Variants in SGIP1 observed in about 807,000 individuals in gnomAD.
SGIP1 encodes the protein SH3-containing GRB2-like protein 3-interacting protein 1.
A neutral mutation model predicts 107.5 loss-of-function variants in SGIP1; 38 were observed. The ratio of observed to expected loss-of-function variants is 0.35; its 90% CI spans 0.27 to 0.46. The LOEUF is 0.46. Ranked by LOEUF, SGIP1 falls within the 20% of genes least tolerant of loss-of-function variation. The pLI, the probability that SGIP1 is intolerant of heterozygous loss-of-function variation, is 1.00. For missense variants in SGIP1, 929 were observed against 1,019.5 expected, an observed-to-expected ratio of 0.91 and a Z score of 1.21; for synonymous variants, 365 against 366.1, an observed-to-expected ratio of 1.00 and a Z score of 0.03.
chr1:66,610,934 A>C (rs1323048321), intron 1 of SGIP1, among the ~76,000 whole-genome samples: 6 of 152,158 alleles, frequency 3.9e-5, no homozygotes, highest in African/African-American at 7.2e-5. Context: ...GCTAAGCTAC[A>C]AGGATGCAAA....
intron 7 of SGIP1, among the ~76,000 whole-genome samples, chr1:66,656,174 C>A (rs1188428588): frequency 6.6e-6 from 1 of 152,060 alleles, no homozygotes; most frequent in Non-Finnish European, 1.5e-5. Context: ...TAACCTAGAC[C>A]TACACAGGGT....
At chr1:66,650,668 C>T (rs1185592584) in intron 7 of SGIP1, among the ~76,000 whole-genome samples, 5 of 152,172 alleles carry the variant, frequency 3.3e-5, no homozygotes, top group South Asian at 4.1e-4. Context: ...GACACATCTG[C>T]ACCATGTGCT....
intron 1 of SGIP1, among the ~76,000 whole-genome samples, chr1:66,562,376 G>C (rs752208496): frequency 1.3e-5 from 2 of 152,000 alleles, no homozygotes; most frequent in South Asian, 2.1e-4. Flanking sequence ...CTCTGCAAAG[G>C]GGGGAAATTC....
intron 1 of SGIP1, among the ~76,000 whole-genome samples, chr1:66,557,115 G>C (rs994124448): frequency 1.3e-5 from 2 of 152,118 alleles, no homozygotes; most frequent in African/African-American, 4.8e-5. Context: ...GGGTCAGTCA[G>C]AGAATATACC....
chr1:66,639,319 A>G (rs2076352036), intron 4 of SGIP1, among the ~76,000 whole-genome samples: 1 of 152,220 alleles, frequency 6.6e-6, no homozygotes, highest in Non-Finnish European at 1.5e-5. Context: ...GAGTGCTAAA[A>G]TGCTAAAAGA....
At chr1:66,599,403 G>A (rs1361567262) in intron 1 of SGIP1, among the ~76,000 whole-genome samples, 1 of 152,120 alleles carries the variant, frequency 6.6e-6, no homozygotes, top group African/African-American at 2.4e-5. Context: ...CTACACCACT[G>A]GTAGGTGACT....
chr1:66,681,693 G>A (rs563759216), intron 14 of SGIP1, among the ~76,000 whole-genome samples, 176 bp from the exon 15 acceptor site: 2 of 152,148 alleles, frequency 1.3e-5, no homozygotes, highest in South Asian at 4.2e-4. Context: ...TTTGTGGAGG[G>A]GGGATCTCTC....
At chr1:66,560,537 A>G (rs746045557) in intron 1 of SGIP1, among the ~76,000 whole-genome samples, 19 of 152,104 alleles carry the variant, frequency 1.2e-4, no homozygotes, top group Non-Finnish European at 4.4e-5. Context: ...AAGCAATTAA[A>G]AAACAACCAG....
intron 18 of SGIP1, among the ~76,000 whole-genome samples, chr1:66,707,914 T>A (rs2092637687): frequency 6.6e-6 from 1 of 152,218 alleles, no homozygotes; most frequent in South Asian, 2.1e-4. Context: ...TCATGTGCTA[T>A]ATGTATATTT....
intron 1 of SGIP1, among the ~76,000 whole-genome samples, chr1:66,546,841 A>T (rs1469295582): frequency 2.0e-5 from 3 of 152,180 alleles, no homozygotes; most frequent in Non-Finnish European, 4.4e-5. Context: ...TAAGACCAAG[A>T]ATTTGCTAGG....
intron 18 of SGIP1, among the ~76,000 whole-genome samples, chr1:66,712,606 T>C (rs1412419657): frequency 1.3e-5 from 2 of 152,164 alleles, no homozygotes; most frequent in African/African-American, 2.4e-5. Context: ...CTTTCTCTTC[T>C]AAAAAGTCTC....
intron 1 of SGIP1, among the ~76,000 whole-genome samples, chr1:66,597,728 C>T (rs1190344615): frequency 6.6e-6 from 1 of 152,152 alleles, no homozygotes; most frequent in East Asian, 1.9e-4. Context: ...TACTAATTCT[C>T]CTTCTCAGAG....
intron 1 of SGIP1, among the ~76,000 whole-genome samples, chr1:66,552,843 G>T (rs895538060): frequency 1.3e-5 from 2 of 151,864 alleles, no homozygotes; most frequent in Admixed American, 6.6e-5. Context: ...CCCATTATTT[G>T]GGTGAGAGAG....
intron 1 of SGIP1, among the ~76,000 whole-genome samples, chr1:66,538,820 A>T (rs2054219193): frequency 6.6e-6 from 1 of 152,204 alleles, no homozygotes; most frequent in Non-Finnish European, 1.5e-5. Flanking sequence ...AAATTATGGC[A>T]TTAAATGTGT....
At chr1:66,594,228 G>T (rs1382575284) in intron 1 of SGIP1, among the ~76,000 whole-genome samples, 1 of 152,112 alleles carries the variant, frequency 6.6e-6, no homozygotes, top group Non-Finnish European at 1.5e-5. Flanking sequence ...TTAATGTAAA[G>T]GTGTGTACCT....
chr1:66,661,489 A>G (rs2081460472), intron 8 of SGIP1, among the ~76,000 whole-genome samples: 1 of 152,224 alleles, frequency 6.6e-6, no homozygotes, highest in Non-Finnish European at 1.5e-5. Flanking sequence ...GAAGGACAAA[A>G]ATATGAGACC....
rs549297435 is a variant in SGIP1, at chr1:66,626,288, CT to C, written c.74+379del. Among the ~76,000 whole-genome samples the C allele has an allele frequency of 1.7e-3, 255 of 152,022 alleles. 3 individuals are homozygous for C. Among genetic ancestry groups the C allele is most frequent in the African/African-American group, 6.0e-3 (247 of 41,488 alleles). On this transcript the variant is annotated intron_variant, in intron 2 of 24. Coordinates refer to ENST00000371037, the MANE Select transcript of SGIP1 (RefSeq NM_032291.4). ...CTGAACTAAAGAAACAACAAAACAC[CT>C]GTTTGGATAGATTAGACCTAGCCAG...
At chr1:66,690,152 G>A in intron 16 of SGIP1, 38 bp from the exon 17 acceptor site, 1 of 1,608,674 alleles carries the variant, frequency 6.2e-7, no homozygotes, top group Non-Finnish European at 8.5e-7. Context: ...ACTGCAACCT[G>A]TGTATCTAAC....
chr1:66,589,214 A>G (rs1838653), intron 1 of SGIP1, among the ~76,000 whole-genome samples: 8,727 of 90,890 alleles, frequency 0.096, 976 homozygotes, highest in African/African-American at 0.18. Context: ...ATATATATAT[A>G]TATGTAAGGC....
Sources: gnomAD v4.1 joint callset for allele counts (sites outside exome capture counted in the v4.1 genomes callset) on GRCh38, gnomAD v4.1.1 for gene constraint, MANE v1.5 for transcripts, NCBI Gene and HGNC (gene_info 2026-07-23, HGNC 2026-07-21) for gene names.